ZNF704: variants seen among roughly 807,000 people sequenced by gnomAD.
ZNF704 encodes the protein glucocorticoid induced gene 1.
A neutral mutation model predicts 44.7 loss-of-function variants in ZNF704; 10 were observed. That is an observed-to-expected ratio of 0.22 (90% CI 0.14 to 0.38). The LOEUF (loss-of-function observed/expected upper bound fraction) is 0.38. ZNF704 is among the 10% of genes least tolerant of loss of function. The pLI is 1.00. For synonymous variants in ZNF704, 211 were observed against 207.6 expected (o/e 1.02, Z -0.14); for missense variants, 390 against 545.5 (o/e 0.71, Z 2.84).
chr8:80,667,601 TGATTCTCTAGG>T (rs1274970731), intron 5 of ZNF704, among the ~76,000 whole-genome samples: 3 of 152,240 alleles, frequency 2.0e-5, no homozygotes, highest in Non-Finnish European at 4.4e-5. Flanking sequence ...TCACTATGAC[TGATTCTCTAGG>T]GATGTGTTTT....
At chr8:80,807,348 A>AG (rs1306721280) in intron 2 of ZNF704, among the ~76,000 whole-genome samples, 1 of 152,070 alleles carries the variant, frequency 6.6e-6, no homozygotes, top group Non-Finnish European at 1.5e-5. Flanking sequence ...CCATTGTGTG[A>AG]GGCAGGAAGC....
intron 2 of ZNF704, among the ~76,000 whole-genome samples, chr8:80,694,500 T>C (rs1329277701): frequency 6.6e-6 from 1 of 152,242 alleles, no homozygotes; most frequent in Non-Finnish European, 1.5e-5. Context: ...AGAGGATTAA[T>C]AAGCCATATC....
intron 2 of ZNF704, among the ~76,000 whole-genome samples, chr8:80,731,861 C>T (rs1266044007): frequency 6.6e-6 from 1 of 152,172 alleles, no homozygotes; most frequent in Non-Finnish European, 1.5e-5. Context: ...TATAGTGCTT[C>T]AGGCTGATCC....
intron 2 of ZNF704, among the ~76,000 whole-genome samples, chr8:80,786,460 A>G (rs1807615784): frequency 6.6e-6 from 1 of 152,170 alleles, no homozygotes; most frequent in African/African-American, 2.4e-5. Flanking sequence ...TTCCACAAGG[A>G]TGTTTGGTTT....
intron 5 of ZNF704, among the ~76,000 whole-genome samples, chr8:80,666,286 A>G (rs1818193490): frequency 6.6e-6 from 1 of 150,840 alleles, no homozygotes; most frequent in African/African-American, 2.4e-5. Context: ...CCTACAAAGG[A>G]CATGAACTCA....
chr8:80,722,026 C>T (rs1819174310), intron 2 of ZNF704, among the ~76,000 whole-genome samples: 1 of 152,112 alleles, frequency 6.6e-6, no homozygotes, highest in South Asian at 2.1e-4. Context: ...GGCTTGAATC[C>T]AGGAGTTCAA....
chr8:80,666,027 A>G (rs924273583), intron 5 of ZNF704, among the ~76,000 whole-genome samples: 1 of 151,858 alleles, frequency 6.6e-6, no homozygotes, highest in African/African-American at 2.4e-5. Flanking sequence ...GGTTAGTTAC[A>G]TATGTATACA....
chr8:80,824,062 C>G (rs566697694), intron 1 of ZNF704, among the ~76,000 whole-genome samples: 111 of 152,284 alleles, frequency 7.3e-4, no homozygotes, highest in South Asian at 2.1e-3. Context: ...CAGAACAAAG[C>G]TGGATGGAGA....
chr8:80,645,750 CT>C (rs1817820830), intron 7 of ZNF704, among the ~76,000 whole-genome samples: 1 of 152,202 alleles, frequency 6.6e-6, no homozygotes, highest in Non-Finnish European at 1.5e-5. Context: ...AATTAAACCT[CT>C]TTTCTTTATA....
chr8:80,804,031 CACCTCTCAAAAGA>C (rs1238112322), intron 2 of ZNF704, among the ~76,000 whole-genome samples: 1 of 151,988 alleles, frequency 6.6e-6, no homozygotes, highest in Non-Finnish European at 1.5e-5. Flanking sequence ...CATGAAAAGA[CACCTCTCAAAAGA>C]AGACATCCAT....
Position 80,649,544 on chromosome 8 carries a change from C to T in ZNF704, c.1033-6415G>A, listed in dbSNP as rs186376862. ...CCTGCACCTGGCTCGGAGGGTCCTA[C>T]GCCCATGGAGCCTCACTCATTGCTA... On this transcript the variant is annotated intron_variant, in intron 7 of 8. Transcript: ENST00000327835. 3.0e-4 allele frequency among the ~76,000 whole-genome samples: 46 copies of T among 152,334 alleles called. 1 individual carries two copies. Among genetic ancestry groups the T allele is most frequent in the Admixed American group, 1.9e-3 (29 of 15,302 alleles).
intron 2 of ZNF704, among the ~76,000 whole-genome samples, chr8:80,796,126 G>C (rs1807797361): frequency 6.6e-6 from 1 of 152,140 alleles, no homozygotes; most frequent in Non-Finnish European, 1.5e-5. Context: ...ACTTGAAACT[G>C]GGTAATTCAT....
intron 1 of ZNF704, among the ~76,000 whole-genome samples, chr8:80,859,085 T>C (rs1809015008): frequency 1.3e-5 from 2 of 152,246 alleles, no homozygotes; most frequent in African/African-American, 4.8e-5. Flanking sequence ...TCTATTTCTC[T>C]TCTTGACTCT....
At chr8:80,718,659 G>A (rs1490450673) in intron 2 of ZNF704, among the ~76,000 whole-genome samples, 4 of 152,112 alleles carry the variant, frequency 2.6e-5, no homozygotes, top group Non-Finnish European at 5.9e-5. Flanking sequence ...AACCCAAACT[G>A]CAGTTTGAAG....
chr8:80,784,222 A>G (rs931182637), intron 2 of ZNF704, among the ~76,000 whole-genome samples: 1 of 152,232 alleles, frequency 6.6e-6, no homozygotes, highest in Non-Finnish European at 1.5e-5. Context: ...AAGCTGCTAT[A>G]AAGATCTATA....
intron 8 of ZNF704, among the ~76,000 whole-genome samples, chr8:80,642,359 C>T (rs554193865): frequency 1.2e-4 from 19 of 152,354 alleles, no homozygotes; most frequent in Admixed American, 9.1e-4. Context: ...AGCCTCACCA[C>T]TCTTGCACTT....
intron 1 of ZNF704, among the ~76,000 whole-genome samples, chr8:80,860,181 T>C (rs1379471961): frequency 1.3e-5 from 2 of 152,218 alleles, no homozygotes; most frequent in African/African-American, 2.4e-5. Flanking sequence ...AGAGCTTCTT[T>C]GTGGTGCAGG....
chr8:80,703,887 T>G (rs1818852590), intron 2 of ZNF704, among the ~76,000 whole-genome samples: 1 of 152,230 alleles, frequency 6.6e-6, no homozygotes, highest in Non-Finnish European at 1.5e-5. Flanking sequence ...GAAAAACTTC[T>G]GCAGTTCTCC....
chr8:80,775,427 T>C lies in ZNF704; in HGVS notation c.221+45947A>G, dbSNP rs572262624. Among the ~76,000 whole-genome samples, 4 of 152,336 alleles carry C rather than the reference T, an allele frequency of 2.6e-5. No homozygotes were observed. In the East Asian group the frequency reaches 7.7e-4, roughly 29 times the overall value. The stretch of plus-strand genomic sequence containing the variant: ...TTCCATTGGTCTATTCTTACTATAT[T>C]CACAATGGTGGCATCTGAGAAGCCA... On this transcript the variant is annotated intron_variant, in intron 2 of 8. Coordinates refer to ENST00000327835, the MANE Select transcript of ZNF704 (RefSeq NM_001033723.3).
Sources: allele counts gnomAD v4.1 joint callset (sites outside exome capture counted in the v4.1 genomes callset), GRCh38; gene constraint gnomAD v4.1.1; transcripts MANE v1.5; gene names NCBI Gene and HGNC (gene_info 2026-07-23, HGNC 2026-07-21).